The following LRP1B variants were observed in gnomAD, a reference collection of about 807,000 sequenced individuals.
LRP1B encodes the protein LDL receptor related protein 1B, also known as low-density lipoprotein receptor-related protein 1B.
Under a neutral mutation model 556.6 loss-of-function variants are expected in LRP1B, and 217 were observed. The observed-to-expected ratio is 0.39, with a 90% CI of 0.35 to 0.44. The LOEUF (loss-of-function observed/expected upper bound fraction) is 0.44. LRP1B is among the 20% of genes least tolerant of loss of function. The pLI is 1.00. For missense variants in LRP1B, 5,053 were observed against 5,620.8 expected, an observed-to-expected ratio of 0.90 and a Z score of 3.23; for synonymous variants, 2,047 against 1,865.8, an observed-to-expected ratio of 1.10 and a Z score of -2.50.
Position 142,013,645 on chromosome 2 carries a change from G to A in LRP1B, c.82+117003C>T, listed in dbSNP as rs1053917367. Among the ~76,000 whole-genome samples the A allele has an allele frequency of 2.6e-5, 4 of 152,102 alleles. No individual in the cohort carries two copies. In the Middle Eastern group the frequency reaches 0.01, roughly 388 times the overall value. ...AGATTAAAGAGTTATGAGAAGTTTT[G>A]AAGAAGGATGATAAATAAAACTTGG... On this transcript the variant is annotated intron_variant, in intron 1 of 90. Coordinates refer to ENST00000389484, the MANE Select transcript of LRP1B (RefSeq NM_018557.3).
chr2:140,449,534 T>C (rs1258954644), intron 63 of LRP1B, among the ~76,000 whole-genome samples: 2 of 152,132 alleles, frequency 1.3e-5, no homozygotes, highest in African/African-American at 4.8e-5. Flanking sequence ...CAAGATTATA[T>C]TAGAAACACA....
In LRP1B at chr2:140,989,611, G is replaced by C. The variant is rs1266885883; in HGVS notation, c.2691C>G (p.Arg897=). The part of the protein sequence containing the change: ...PDDQFKCQNN[R]CIPKRWLCDG... ...CACAAAGCCATCTCTTGGGGATGCAGCGATTATTCTGGCATTTAAACTGAT... is the reference window on the plus strand; with the variant it reads ...CACAAAGCCATCTCTTGGGGATGCACCGATTATTCTGGCATTTAAACTGAT... Residue 897 remains arginine (R), a synonymous_variant, in exon 17 of 91, where the codon CGC becomes CGG. Coordinates refer to ENST00000389484, the MANE Select transcript of LRP1B (RefSeq NM_018557.3). 6.2e-7 allele frequency: 1 copy of C among 1,613,088 alleles called. No individual in the cohort carries two copies. Among genetic ancestry groups the C allele is most frequent in the Non-Finnish European group, 8.5e-7 (1 of 1,179,418 alleles).
intron 66 of LRP1B, among the ~76,000 whole-genome samples, chr2:140,400,238 A>G (rs1293318237): frequency 3.3e-5 from 5 of 152,196 alleles, no homozygotes; most frequent in African/African-American, 1.2e-4. Context: ...GGAAGTCCCC[A>G]TCAGGCCATT....
chr2:141,972,397 C>T (rs1267951577), intron 1 of LRP1B, among the ~76,000 whole-genome samples: 2 of 151,410 alleles, frequency 1.3e-5, no homozygotes, highest in Admixed American at 1.3e-4. Flanking sequence ...GTTCTTTATA[C>T]TACATACTCT....
At chr2:140,843,086 T>TTTG in intron 29 of LRP1B, among the ~76,000 whole-genome samples, 3 of 21,816 alleles carry the variant, frequency 1.4e-4, no homozygotes, top group Admixed American at 5.3e-4. Context: ...TTTTTGTTTG[T>TTTG]TTTTTTTTTT....
At chr2:141,047,059 A>ACTCT (rs1364858653) in intron 11 of LRP1B, among the ~76,000 whole-genome samples, 13 of 7,198 alleles carry the variant, frequency 1.8e-3, no homozygotes, top group Non-Finnish European at 5.2e-3. Flanking sequence ...AAAAATTAAT[A>ACTCT]ATAATAATAA....
chr2:140,409,239 T>C (rs543148522), intron 66 of LRP1B, among the ~76,000 whole-genome samples: 1 of 151,956 alleles, frequency 6.6e-6, no homozygotes, highest in African/African-American at 2.4e-5. Flanking sequence ...GCATAACTTA[T>C]AGATGTAAAA....
At chr2:140,659,866 AATAG>A in intron 41 of LRP1B, among the ~76,000 whole-genome samples, 1 of 152,238 alleles carries the variant, frequency 6.6e-6, no homozygotes. Context: ...AGTCAAGAAA[AATAG>A]ATTATTTGGG....
chr2:140,969,781 T>G (rs528933319), intron 18 of LRP1B, among the ~76,000 whole-genome samples: 19 of 152,324 alleles, frequency 1.2e-4, no homozygotes, highest in Admixed American at 3.3e-4. Context: ...CCTTCACTTA[T>G]GAAGCTTAGT....
chr2:141,571,766 A>G (rs1300316936), intron 2 of LRP1B, among the ~76,000 whole-genome samples: 2 of 152,186 alleles, frequency 1.3e-5, no homozygotes, highest in Non-Finnish European at 2.9e-5. Flanking sequence ...AACACAATAC[A>G]AGATCTTCGT....
chr2:140,773,364 G>A (rs185115496), intron 33 of LRP1B, among the ~76,000 whole-genome samples: 20 of 152,186 alleles, frequency 1.3e-4, no homozygotes, highest in Middle Eastern at 3.4e-3. Flanking sequence ...AGCTACTCGG[G>A]GGACTGAGAC....
intron 37 of LRP1B, among the ~76,000 whole-genome samples, chr2:140,706,685 A>G (rs1454979129): frequency 1.3e-5 from 2 of 152,166 alleles, no homozygotes; most frequent in Non-Finnish European, 2.9e-5. Context: ...AATAGGTAAA[A>G]AGATCACATT....
At chr2:141,440,126 C>A (rs944321028) in intron 3 of LRP1B, among the ~76,000 whole-genome samples, 4 of 152,192 alleles carry the variant, frequency 2.6e-5, no homozygotes, top group Non-Finnish European at 5.9e-5. Context: ...AGTCCCCTCC[C>A]TGTGGCATGG....
At chr2:140,971,051 T>C (rs542803524) in intron 18 of LRP1B, among the ~76,000 whole-genome samples, 3,543 of 152,254 alleles carry the variant, frequency 0.023, 69 homozygotes, top group Non-Finnish European at 0.032. Context: ...GCCTCTAAAA[T>C]GATTGGTCGC....
At chr2:140,345,717 T>C (rs1011349037) in intron 77 of LRP1B, among the ~76,000 whole-genome samples, 11 of 145,218 alleles carry the variant, frequency 7.6e-5, no homozygotes, top group African/African-American at 2.3e-4. Flanking sequence ...CTCATATATG[T>C]ATATATATAC....
chr2:142,108,819 A>G (rs564204060), intron 1 of LRP1B, among the ~76,000 whole-genome samples: 3 of 152,312 alleles, frequency 2.0e-5, no homozygotes, highest in Admixed American at 6.5e-5. Flanking sequence ...ATAAGACACA[A>G]CACAAGTAAA....
At chr2:141,797,189 CTA>C (rs1441815155) in intron 2 of LRP1B, among the ~76,000 whole-genome samples, 1 of 59,030 alleles carries the variant, frequency 1.7e-5, no homozygotes, top group Non-Finnish European at 3.5e-5. Context: ...ATATATATAA[CTA>C]TATATATCTT....
At chr2:141,487,534 C>T (rs16846216) in intron 2 of LRP1B, among the ~76,000 whole-genome samples, 15,087 of 152,166 alleles carry the variant, frequency 0.099, 1,124 homozygotes, top group African/African-American at 0.2. Flanking sequence ...AATTGCTGGT[C>T]ACAACAAAAC....
At chr2:141,151,281 A>G (rs1344097324) in intron 7 of LRP1B, among the ~76,000 whole-genome samples, 1 of 152,174 alleles carries the variant, frequency 6.6e-6, no homozygotes, top group Non-Finnish European at 1.5e-5. Context: ...GCAGTAAATC[A>G]TACACTGGCT....
Sources: allele counts gnomAD v4.1 joint callset (sites outside exome capture counted in the v4.1 genomes callset), GRCh38; gene constraint gnomAD v4.1.1; transcripts MANE v1.5; gene names NCBI Gene and HGNC (gene_info 2026-07-23, HGNC 2026-07-21).